Variants in ZNF536 observed in about 807,000 individuals in gnomAD.
ZNF536 encodes the protein zinc finger protein 536.
In ZNF536, 13 loss-of-function variants were observed where a neutral mutation model predicts 84.5. The ratio of observed to expected loss-of-function variants is 0.15; its 90% CI spans 0.10 to 0.24. The LOEUF is 0.24. Ranked by LOEUF, ZNF536 falls within the 10% of genes least tolerant of loss-of-function variation. The pLI is 1.00. For synonymous variants in ZNF536, 811 were observed against 742.5 expected (o/e 1.09, Z -1.50); for missense variants, 1,536 against 1,747.5 (o/e 0.88, Z 2.16).
In ZNF536 at chr19:30,254,241, A is replaced by C. The variant is rs1013954836; in HGVS notation, c.-190+25568A>C. Among the ~76,000 whole-genome samples the C allele has an allele frequency of 2.0e-5, 3 of 152,182 alleles. No homozygotes were observed. The East Asian group carries it at 5.8e-4, about 29-fold the overall frequency. On this transcript the variant is annotated intron_variant, in intron 1 of 5. Coordinates refer to the ZNF536 transcript ENST00000585628. The stretch of plus-strand genomic sequence containing the variant: ...AAGACGGAGAGTTCAAATACCCACT[A>C]TCTCTCCCCTGGTGCTCCGAATGCT...
intron 1 of ZNF536, among the ~76,000 whole-genome samples, chr19:30,374,881 C>T (rs1458511548): frequency 6.6e-6 from 1 of 151,334 alleles, no homozygotes; most frequent in Non-Finnish European, 1.5e-5. Context: ...GGCTGGGGCG[C>T]CTGCCGCCCG....
At chr19:30,377,409 C>T (rs1262872457) in intron 1 of ZNF536, among the ~76,000 whole-genome samples, 1 of 152,150 alleles carries the variant, frequency 6.6e-6, no homozygotes, top group Admixed American at 6.5e-5. Context: ...GGTACCGATC[C>T]AGACCCCAAG....
Position 30,443,803 on chromosome 19 carries a change from A to G in ZNF536, c.241A>G (p.Met81Val), listed in dbSNP as rs2148154260. The G allele has an allele frequency of 6.2e-7, 1 of 1,613,220 alleles. No homozygotes were observed. The highest frequency in any genetic ancestry group is 8.5e-7 in the Non-Finnish European group (1 of 1,179,802). ...GAGCGGCCAGCCCATGGGCAGTCAG[A>G]TGGCGCTCCTGGCCAACCAGCTGGG... Reference protein sequence around the residue: ...PMSGQPMGSQMALLANQLGRE... With the variant: ...PMSGQPMGSQVALLANQLGRE... The change falls in exon 2 of 5, where the codon ATG becomes GTG. Residue 81 changes from methionine to valine, a missense_variant. By Grantham distance (21) the Met-to-Val change is conservative (BLOSUM62 1). This residue lies in a region of ZNF536 where 161 missense variants were observed against 178.5 expected (regional missense o/e 0.90). Coordinates refer to ENST00000355537, the MANE Select transcript of ZNF536 (RefSeq NM_014717.3).
intron 1 of ZNF536, among the ~76,000 whole-genome samples, chr19:30,647,235 C>T (rs1394902063): frequency 6.6e-6 from 1 of 152,066 alleles, no homozygotes; most frequent in Non-Finnish European, 1.5e-5. Context: ...TTAGTGTTTC[C>T]AATATCTTCC....
At chr19:30,531,587 C>A (rs2044823189) in intron 2 of ZNF536, among the ~76,000 whole-genome samples, 1 of 152,020 alleles carries the variant, frequency 6.6e-6, no homozygotes, top group Admixed American at 6.6e-5. Flanking sequence ...TTCAACCTTG[C>A]TCCCCTCCCT....
intron 1 of ZNF536, among the ~76,000 whole-genome samples, chr19:30,659,912 G>A (rs1346011124): frequency 6.6e-6 from 1 of 151,968 alleles, no homozygotes; most frequent in Non-Finnish European, 1.5e-5. Flanking sequence ...TGCAGAGTCT[G>A]ATTATGTTCA....
chr19:30,602,321 C>T (rs73028864), intron 1 of ZNF536, among the ~76,000 whole-genome samples: 16,693 of 152,168 alleles, frequency 0.11, 1,053 homozygotes, highest in Non-Finnish European at 0.15. Flanking sequence ...ATCTGCTCTA[C>T]GCCAGCCTCT....
chr19:30,486,247 C>G (rs1017729794), intron 2 of ZNF536, among the ~76,000 whole-genome samples: 2 of 152,166 alleles, frequency 1.3e-5, no homozygotes, highest in African/African-American at 4.8e-5. Flanking sequence ...CTGATGCTCT[C>G]CCTCCCAACC....
chr19:30,567,013 T>C (rs1337980829), intron 1 of ZNF536, among the ~76,000 whole-genome samples: 1 of 151,780 alleles, frequency 6.6e-6, no homozygotes, highest in Non-Finnish European at 1.5e-5. Context: ...TCCCCGCGTG[T>C]GGCCTCTCCG....
chr19:30,380,682 G>A (rs1027151385), intron 1 of ZNF536, among the ~76,000 whole-genome samples: 1 of 152,154 alleles, frequency 6.6e-6, no homozygotes, highest in African/African-American at 2.4e-5. Context: ...AAGGCAGTGA[G>A]AGGGAGGAAG....
At chr19:30,598,155 C>A (rs548851988) in intron 1 of ZNF536, among the ~76,000 whole-genome samples, 2 of 152,284 alleles carry the variant, frequency 1.3e-5, no homozygotes, top group East Asian at 3.9e-4. Flanking sequence ...GGGCCCTGAG[C>A]CGTGTCCTCC....
Position 30,354,296 on chromosome 19 carries a change from G to T in ZNF536, c.-3+1812G>T, listed in dbSNP as rs796186315. Reference sequence around the variant, plus strand: ...AGATATCCTTTGGATGGGCTTCTTGGACTCTGTAGAATAGACAGTAGCTCC... The same window carrying T: ...AGATATCCTTTGGATGGGCTTCTTGTACTCTGTAGAATAGACAGTAGCTCC... On this transcript the variant is annotated intron_variant, in intron 3 of 5. Coordinates refer to the ZNF536 transcript ENST00000585628. Among the ~76,000 whole-genome samples the T allele has an allele frequency of 4.6e-5, 7 of 152,166 alleles. No individual in the cohort carries two copies. In the East Asian group the frequency reaches 7.7e-4, roughly 17 times the overall value.
chr19:30,282,344 T>C (rs2045477286), intron 1 of ZNF536, among the ~76,000 whole-genome samples: 1 of 152,248 alleles, frequency 6.6e-6, no homozygotes, highest in Non-Finnish European at 1.5e-5. Context: ...ACGAGGCTTG[T>C]GCTGGGCCCT....
chr19:30,570,212 T>G (rs866334482), intron 1 of ZNF536, among the ~76,000 whole-genome samples: 53 of 152,164 alleles, frequency 3.5e-4, no homozygotes, highest in Middle Eastern at 3.2e-3. Flanking sequence ...GCCATGCAGC[T>G]CACACCACGG....
intron 3 of ZNF536, among the ~76,000 whole-genome samples, chr19:30,365,389 A>T (rs1181061012): frequency 6.6e-6 from 1 of 151,822 alleles, no homozygotes; most frequent in African/African-American, 2.4e-5. Flanking sequence ...CTCCTTTAGA[A>T]GGGAAGGGAC....
chr19:30,484,737 C>T (rs541777880), intron 2 of ZNF536, among the ~76,000 whole-genome samples: 2 of 150,548 alleles, frequency 1.3e-5, no homozygotes, highest in African/African-American at 2.4e-5. Context: ...TGTGGAACTC[C>T]GTGTGAGAGC....
chr19:30,638,409 G>A (rs1011610000), intron 1 of ZNF536, among the ~76,000 whole-genome samples: 5 of 152,202 alleles, frequency 3.3e-5, no homozygotes, highest in Non-Finnish European at 7.3e-5. Context: ...TTCTGGGGAG[G>A]CCTCAGGAAA....
chr19:30,457,958 G>A (rs1350900833), intron 2 of ZNF536, among the ~76,000 whole-genome samples: 2 of 152,200 alleles, frequency 1.3e-5, no homozygotes, highest in African/African-American at 2.4e-5. Flanking sequence ...TGGTGGGTGG[G>A]ACATGAACTG....
intron 2 of ZNF536, among the ~76,000 whole-genome samples, chr19:30,330,929 T>C (rs529024330): frequency 1.3e-5 from 2 of 152,252 alleles, no homozygotes; most frequent in Admixed American, 6.5e-5. Flanking sequence ...AATTGAGGAC[T>C]AGAGGTTTCA....
Sources: gnomAD v4.1 joint callset for allele counts (sites outside exome capture counted in the v4.1 genomes callset) on GRCh38, gnomAD v4.1.1 for gene constraint, gnomAD v4.1.1 regional missense constraint, MANE v1.5 for transcripts, NCBI Gene and HGNC (gene_info 2026-07-23, HGNC 2026-07-21) for gene names.